Variants in CTSZ observed in about 807,000 individuals in gnomAD.
The protein encoded by CTSZ is carboxypeptidase LB.
CTSZ carries 39 observed loss-of-function variants against 32.4 expected under a neutral mutation model. The observed-to-expected ratio is 1.20, with a 90% CI of 0.93 to 1.57. CTSZ has a LOEUF of 1.57. Ranked by LOEUF, CTSZ falls within the 40% of genes most tolerant of loss-of-function variation. The probability of loss-of-function intolerance (pLI) is 0.00; values close to 1 mark genes in which losing one functional copy is unlikely to be tolerated. For synonymous variants in CTSZ, 168 were observed against 170.1 expected (o/e 0.99, Z 0.10); for missense variants, 397 against 419.6 (o/e 0.95, Z 0.47).
Position 59,007,056 on chromosome 20 carries a change from G to A in CTSZ, c.73C>T (p.Leu25Phe), listed in dbSNP as rs1421050224. The A allele has an allele frequency of 2.0e-6, 3 of 1,468,838 alleles. No homozygotes were observed. Among genetic ancestry groups the A allele is most frequent in the Non-Finnish European group, 2.7e-6 (3 of 1,116,774 alleles). 91.0% of individuals were successfully genotyped at this position (1,468,838 alleles called of 1,614,324 possible). A position where few individuals can be genotyped will look rare whatever the true frequency, so the allele number is the denominator to read the frequency against. Reference protein sequence around the residue: ...VLLAGAAQGGLYFRRGQTCYR... With the variant: ...VLLAGAAQGGFYFRRGQTCYR... ...CAGGTCTGTCCCCGGCGGAAGTAGA[G>A]GCCGCCCTGCGCCGCGCCCGCCAGC... is the stretch of plus-strand genomic sequence containing the variant. The change falls in exon 1 of 6, where the codon CTC (leucine) becomes TTC (phenylalanine). Residue 25 changes from leucine to phenylalanine, a missense_variant. By Grantham distance (22) the Leu-to-Phe change is conservative (BLOSUM62 0). Transcript: ENST00000217131.
intron 3 of CTSZ, 86 bp downstream of exon 3, chr20:59,001,379 G>C: frequency 2.1e-6 from 3 of 1,428,846 alleles, no homozygotes; most frequent in Middle Eastern, 2.2e-4. Context: ...GGAGCACGGG[G>C]TCAGGCTGGG....
Position 58,995,455 on chromosome 20 carries a change from G to T in CTSZ, c.*194C>A. On this transcript the variant is annotated 3_prime_UTR_variant, in exon 6 of 6. Transcript: ENST00000217131. ...CTGCATCATTGTGAGGCAGAGCCATGCTGTGCAAGTGTCATAAGTCATCCC... is the reference window on the plus strand; with the variant it reads ...CTGCATCATTGTGAGGCAGAGCCATTCTGTGCAAGTGTCATAAGTCATCCC... 5.7e-6 allele frequency: 3 copies of T among 524,990 alleles called. No homozygotes were observed. Among genetic ancestry groups the T allele is most frequent in the Non-Finnish European group, 1.0e-5 (3 of 296,508 alleles). 32.5% of individuals were successfully genotyped at this position (524,990 alleles called of 1,614,324 possible).
At chr20:59,000,890 C>T (rs546051979) in intron 3 of CTSZ, among the ~76,000 whole-genome samples, 27 of 147,178 alleles carry the variant, frequency 1.8e-4, no homozygotes, top group Admixed American at 4.8e-4. Context: ...AGTGCAGTGG[C>T]GCGATCTTGG....
chr20:59,006,191 T>A, intron 2 of CTSZ, 131 bp downstream of exon 2: 1 of 1,270,502 alleles, frequency 7.9e-7, no homozygotes, highest in Middle Eastern at 2.8e-4. Flanking sequence ...CTCCTCGGCC[T>A]TAGCACCCCA....
At chr20:59,003,526 A>G (rs2091897917) in intron 2 of CTSZ, among the ~76,000 whole-genome samples, 1 of 152,216 alleles carries the variant, frequency 6.6e-6, no homozygotes, top group Admixed American at 6.5e-5. Context: ...GGTGTTTTCA[A>G]CTTACGAGGG....
intron 2 of CTSZ, among the ~76,000 whole-genome samples, chr20:59,005,210 C>T (rs1428922162): frequency 1.3e-5 from 2 of 152,096 alleles, no homozygotes; most frequent in Non-Finnish European, 2.9e-5. Flanking sequence ...TGTGTTCCAG[C>T]CCCCGGGGGA....
chr20:59,007,237 C>G lies in CTSZ; in HGVS notation c.-109G>C. On this transcript the variant is annotated 5_prime_UTR_variant, in exon 1 of 6. Transcript: ENST00000217131. ...CCGGCCTCGGCCTCGGCCCAGCACC[C>G]GGCCGACCCCGCACTTTGGGCCCCT... 4 of 524,070 alleles carry G rather than the reference C, an allele frequency of 7.6e-6. No homozygotes were observed. The highest frequency in any genetic ancestry group is 1.1e-5 in the Non-Finnish European group (4 of 361,622). 32.5% of individuals were successfully genotyped at this position (524,070 alleles called of 1,614,324 possible).
chr20:58,995,973 G>A (rs1198765737), intron 5 of CTSZ, among the ~76,000 whole-genome samples: 1 of 152,074 alleles, frequency 6.6e-6, no homozygotes, highest in African/African-American at 2.4e-5. Flanking sequence ...TTAACATGAG[G>A]GCCCTCTATG....
rs190687716 is a variant in CTSZ, at chr20:59,001,523, G to A, written c.429C>T (p.Tyr143=). The part of the protein sequence containing the change: ...EGGNDLSVWD[Y]AHQHGIPDET... ...CGTCAGGGATGCCGTGCTGGTGGGC[G>A]TAGTCCCACACGGACAGGTCATTAC... Residue 143 remains tyrosine (Y), a synonymous_variant, in exon 3 of 6, where the codon TAC becomes TAT. Coordinates refer to ENST00000217131, the MANE Select transcript of CTSZ (RefSeq NM_001336.4). 5.9e-5 allele frequency: 95 copies of A among 1,614,148 alleles called. 1 individual carries two copies. Among genetic ancestry groups the A allele is most frequent in the South Asian group, 1.4e-4 (13 of 91,086 alleles).
At chr20:59,001,922 G>A (rs191931122) in intron 2 of CTSZ, among the ~76,000 whole-genome samples, 2 of 152,384 alleles carry the variant, frequency 1.3e-5, no homozygotes, top group East Asian at 1.9e-4. Flanking sequence ...AGGGCCAGGC[G>A]GTCACCAGCA....
chr20:59,006,059 T>G, intron 2 of CTSZ: 1 of 512,336 alleles, frequency 2.0e-6, no homozygotes, highest in Non-Finnish European at 3.5e-6. Flanking sequence ...GTCACAAGCT[T>G]TGGGGGAGAG....
chr20:58,999,508 A>G (rs235200), intron 3 of CTSZ, among the ~76,000 whole-genome samples: 95,074 of 151,740 alleles, frequency 0.63, 29,903 homozygotes, highest in East Asian at 0.7. Context: ...TTCCCTCTGC[A>G]CCTTCCATCT....
At chr20:59,006,100 T>G in intron 2 of CTSZ, 1 of 549,116 alleles carries the variant, frequency 1.8e-6, no homozygotes, top group Non-Finnish European at 3.2e-6. Context: ...GTCACTGGGA[T>G]TCAGTCCTAG....
chr20:59,001,689 C>T (rs1485783855), intron 2 of CTSZ, 45 bp from the exon 3 acceptor site: 1 of 1,587,114 alleles, frequency 6.3e-7, no homozygotes, highest in Non-Finnish European at 8.6e-7. Flanking sequence ...CCACTCTCCA[C>T]CCACTTCCCC....
chr20:58,997,687 T>C lies in CTSZ; in HGVS notation c.554A>G (p.Tyr185Cys). 1 of 1,610,360 alleles carries C rather than the reference T, an allele frequency of 6.2e-7. No homozygotes were observed. Among genetic ancestry groups the C allele is most frequent in the East Asian group, 2.2e-5 (1 of 44,722 alleles). The change falls in exon 4 of 6, where the codon TAC becomes TGC. Residue 185 changes from tyrosine (Y) to cysteine (C), a missense_variant. Coordinates refer to ENST00000217131, the MANE Select transcript of CTSZ (RefSeq NM_001336.4). Reference protein sequence around the residue: ...EFKECHAIRNYTLWRVGDYGS... With the variant: ...EFKECHAIRNCTLWRVGDYGS... ...GTAGTCTCCCACCCTCCAGAGGGTG[T>C]AGTTCCGGATGGCGTGGCACTCTTT...
Position 59,001,304 on chromosome 20 carries a change from C to G in CTSZ, c.487+161G>C, listed in dbSNP as rs1003052013. ...GAACACTACCCCTCATGGTCAAGAGCACCAGCGCCCCTGGGGGCTGCAACC... is the reference window on the plus strand; with the variant it reads ...GAACACTACCCCTCATGGTCAAGAGGACCAGCGCCCCTGGGGGCTGCAACC... On this transcript the variant is annotated intron_variant, in intron 3 of 5. Coordinates refer to ENST00000217131, the MANE Select transcript of CTSZ (RefSeq NM_001336.4). Among the ~76,000 whole-genome samples, 3 of 152,160 alleles carry G rather than the reference C, an allele frequency of 2.0e-5. No homozygotes were observed. The South Asian group carries it at 6.2e-4, about 32-fold the overall frequency.
intron 5 of CTSZ, among the ~76,000 whole-genome samples, chr20:58,996,382 T>C (rs1191994051): frequency 6.6e-6 from 1 of 152,070 alleles, no homozygotes; most frequent in Non-Finnish European, 1.5e-5. Flanking sequence ...CACACTGGGA[T>C]TGCGGGGAGT....
rs1046454829 is a variant in CTSZ, at chr20:59,002,605, C to G, written c.308-961G>C. Among the ~76,000 whole-genome samples, 9 of 152,158 alleles carry G rather than the reference C, an allele frequency of 5.9e-5. No individual in the cohort carries two copies. The highest frequency in any genetic ancestry group is 1.9e-4 in the African/African-American group (8 of 41,432). ...CTCTCCCACACTGCCCCACAGTCCGCTCCTCCACCTGGCCTCCTCCCGGTC... is the reference window on the plus strand; with the variant it reads ...CTCTCCCACACTGCCCCACAGTCCGGTCCTCCACCTGGCCTCCTCCCGGTC... On this transcript the variant is annotated intron_variant, in intron 2 of 5. Coordinates refer to ENST00000217131, the MANE Select transcript of CTSZ (RefSeq NM_001336.4). The surrounding 1 kb of genome is among the most constrained non-coding windows in gnomAD (Gnocchi z 4.1).
chr20:58,997,710 T>C lies in CTSZ; in HGVS notation c.531A>G (p.Lys177=), dbSNP rs760436112. Residue 177 remains lysine, a synonymous_variant, in exon 4 of 6, where the codon AAA becomes AAG. Transcript: ENST00000217131. ...TGTAGTTCCGGATGGCGTGGCACTC[T>C]TTGAATTCATTGCATGTCCCACATT... The part of the protein sequence containing the change: ...FNQCGTCNEF[K]ECHAIRNYTL... 1.2e-6 allele frequency: 2 copies of C among 1,608,608 alleles called. No homozygotes were observed. Among genetic ancestry groups the C allele is most frequent in the South Asian group, 1.1e-5 (1 of 89,686 alleles).
Sources: allele counts gnomAD v4.1 joint callset (sites outside exome capture counted in the v4.1 genomes callset), GRCh38; gene constraint gnomAD v4.1.1; non-coding constraint Gnocchi (gnomAD v3.1); transcripts MANE v1.5; gene names NCBI Gene and HGNC (gene_info 2026-07-23, HGNC 2026-07-21).